The following MCC variants were observed in gnomAD, a reference collection of about 807,000 sequenced individuals.
The protein encoded by MCC is MCC regulator of Wnt signaling pathway.
MCC carries 90 observed loss-of-function variants against 116.2 expected under a neutral mutation model. The ratio of observed to expected loss-of-function variants is 0.77; its 90% CI spans 0.65 to 0.92. MCC has a LOEUF of 0.92. MCC is among the 40% of genes least tolerant of loss of function. The pLI, the probability that MCC is intolerant of heterozygous loss-of-function variation, is 0.00. For synonymous variants in MCC, 578 were observed against 510.5 expected (o/e 1.13, Z -1.78); for missense variants, 1,516 against 1,312.2 (o/e 1.16, Z -2.40).
intron 3 of MCC, among the ~76,000 whole-genome samples, chr5:113,255,721 T>C (rs1764980387): frequency 6.6e-6 from 1 of 152,208 alleles, no homozygotes; most frequent in South Asian, 2.1e-4. Context: ...CTTAAATATT[T>C]ACGTGGCCCC....
intron 3 of MCC, among the ~76,000 whole-genome samples, chr5:113,315,399 C>T (rs1447223709): frequency 6.6e-6 from 1 of 152,106 alleles, no homozygotes; most frequent in East Asian, 1.9e-4. Flanking sequence ...TAGATTAAAT[C>T]ATATGAAATT....
chr5:113,332,520 A>G (rs565370958), intron 3 of MCC, among the ~76,000 whole-genome samples: 10 of 149,796 alleles, frequency 6.7e-5, no homozygotes, highest in African/African-American at 2.5e-4. Context: ...GACTGCAGTA[A>G]GCCAGTGCAT....
intron 3 of MCC, among the ~76,000 whole-genome samples, chr5:113,310,732 A>G (rs955790558): frequency 6.6e-5 from 10 of 152,228 alleles, no homozygotes; most frequent in Non-Finnish European, 1.5e-4. Flanking sequence ...AACAGCTACT[A>G]TTTGGGAGAA....
intron 3 of MCC, among the ~76,000 whole-genome samples, chr5:113,316,834 TTG>T (rs1189704104): frequency 1.2e-4 from 18 of 152,162 alleles, no homozygotes; most frequent in Admixed American, 1.2e-3. Flanking sequence ...TCATATATGT[TTG>T]TGTGTGTGTA....
intron 3 of MCC, among the ~76,000 whole-genome samples, chr5:113,315,004 AT>A: frequency 6.6e-6 from 1 of 152,260 alleles, no homozygotes; most frequent in African/African-American, 2.4e-5. Flanking sequence ...TGATTCTCAT[AT>A]TCTCTTGATT....
At chr5:113,202,454 G>T (rs911716831) in intron 3 of MCC, among the ~76,000 whole-genome samples, 1 of 152,072 alleles carries the variant, frequency 6.6e-6, no homozygotes, top group Non-Finnish European at 1.5e-5. Flanking sequence ...TCCAGTTACC[G>T]CCAGCTGCCT....
intron 6 of MCC, among the ~76,000 whole-genome samples, chr5:113,119,091 C>T (rs562156693): frequency 6.6e-6 from 1 of 152,354 alleles, no homozygotes; most frequent in East Asian, 1.9e-4. Flanking sequence ...CTCCAAACAA[C>T]TGTGAGCTTT....
chr5:113,456,623 A>ATTTTTTTTT (rs34111159), intron 1 of MCC, among the ~76,000 whole-genome samples: 698 of 51,048 alleles, frequency 0.014, 135 homozygotes, highest in African/African-American at 0.049. Context: ...TGCCCAGCTA[A>ATTTTTTTTT]TTTTTTTTTT....
At chr5:113,227,029 A>T (rs1478373503) in intron 3 of MCC, among the ~76,000 whole-genome samples, 2 of 152,232 alleles carry the variant, frequency 1.3e-5, no homozygotes, top group Non-Finnish European at 2.9e-5. Context: ...TGCAGTTATG[A>T]CAGGGATATT....
intron 3 of MCC, among the ~76,000 whole-genome samples, chr5:113,245,366 A>G (rs1332985182): frequency 6.6e-6 from 1 of 151,568 alleles, no homozygotes; most frequent in Non-Finnish European, 1.5e-5. Context: ...CCAAAGAAAT[A>G]TCTTATGTCC....
chr5:113,450,431 T>C (rs1233453914), intron 1 of MCC, among the ~76,000 whole-genome samples: 1 of 151,994 alleles, frequency 6.6e-6, no homozygotes, highest in African/African-American at 2.4e-5. Flanking sequence ...CTTTGGCAAA[T>C]ATAGCTGCCT....
intron 3 of MCC, among the ~76,000 whole-genome samples, chr5:113,337,864 C>T (rs1451152116): frequency 6.6e-6 from 1 of 152,158 alleles, no homozygotes; most frequent in African/African-American, 2.4e-5. Flanking sequence ...CTTTGGCCAC[C>T]TGGGAAGGGT....
intron 3 of MCC, among the ~76,000 whole-genome samples, chr5:113,306,779 A>G (rs1313399868): frequency 6.6e-6 from 1 of 152,092 alleles, no homozygotes; most frequent in Non-Finnish European, 1.5e-5. Context: ...GCCATATTTA[A>G]TAAATGATTG....
intron 4 of MCC, among the ~76,000 whole-genome samples, chr5:113,144,727 C>T (rs958103337): frequency 1.1e-4 from 17 of 152,176 alleles, no homozygotes; most frequent in African/African-American, 3.9e-4. Context: ...ATGTAACTTC[C>T]TGGGGGTTAC....
intron 1 of MCC, among the ~76,000 whole-genome samples, chr5:113,464,059 G>T (rs1288801493): frequency 5.3e-5 from 8 of 152,064 alleles, no homozygotes; most frequent in African/African-American, 1.7e-4. Context: ...TACAGGCAAG[G>T]GGAAAACACC....
chr5:113,044,898 T>C (rs770498584), intron 16 of MCC, among the ~76,000 whole-genome samples: 5 of 152,132 alleles, frequency 3.3e-5, no homozygotes, highest in Non-Finnish European at 5.9e-5. Context: ...TTATAAGATA[T>C]GAGCTACAGA....
chr5:113,331,762 G>A (rs541582517), intron 3 of MCC, among the ~76,000 whole-genome samples: 6 of 148,400 alleles, frequency 4.0e-5, no homozygotes, highest in East Asian at 3.9e-4. Flanking sequence ...TCAGCTTCCC[G>A]AGTAGCTTCG....
At chr5:113,433,813 C>T (rs758890105) in intron 1 of MCC, 1 of 1,613,968 alleles carries the variant, frequency 6.2e-7, no homozygotes, top group Admixed American at 1.7e-5. Context: ...CTGGGGAAAC[C>T]CAGGATCTCC....
chr5:113,449,785 G>A (rs971292239), intron 1 of MCC, among the ~76,000 whole-genome samples: 6 of 152,046 alleles, frequency 3.9e-5, no homozygotes, highest in Non-Finnish European at 8.8e-5. Flanking sequence ...TTATCTCTTC[G>A]GGCACATTTG....
Sources: gnomAD v4.1 joint callset for allele counts (sites outside exome capture counted in the v4.1 genomes callset) on GRCh38, gnomAD v4.1.1 for gene constraint, MANE v1.5 for transcripts, NCBI Gene and HGNC (gene_info 2026-07-23, HGNC 2026-07-21) for gene names.